The following FKBP14 variants were observed in gnomAD, a reference collection of about 807,000 sequenced individuals.
FKBP14 encodes the protein FKBP prolyl isomerase 14.
A neutral mutation model predicts 21.6 loss-of-function variants in FKBP14; 20 were observed. The observed-to-expected ratio is 0.92, with a 90% CI of 0.65 to 1.34. The LOEUF (loss-of-function observed/expected upper bound fraction) is 1.34. FKBP14 is among the 40% of genes most tolerant of loss of function. The pLI is 0.00. For synonymous variants in FKBP14, 79 were observed against 86.7 expected, an observed-to-expected ratio of 0.91 and a Z score of 0.49; for missense variants, 253 against 249.0, an observed-to-expected ratio of 1.02 and a Z score of -0.11.
At position 30,019,905 on chromosome 7, in the gene FKBP14, ACATTT is replaced by A. The variant is rs562158725; in HGVS notation, c.350-787_350-783del. 5.4e-3 allele frequency among the ~76,000 whole-genome samples: 826 copies of A among 152,248 alleles called. 3 individuals are homozygous for A. The Middle Eastern group carries it at 0.071, about 13-fold the overall frequency. On this transcript the variant is annotated intron_variant, in intron 2 of 3. Transcript: ENST00000222803. ...ATAGAACATTATATATATGTTGAAG[ACATTT>A]CATGGGAGGGGAGAAATTAAAATGA...
chr7:30,026,676 C>T lies in FKBP14; in HGVS notation c.-168G>A, dbSNP rs1790193291. The T allele has an allele frequency of 1.7e-6, 1 of 593,596 alleles. No individual in the cohort carries two copies. Among genetic ancestry groups the T allele is most frequent in the Middle Eastern group, 4.7e-4 (1 of 2,150 alleles). 36.8% of individuals were successfully genotyped at this position (593,596 alleles called of 1,614,324 possible). ...TACCACCAACTCTTTTCTCAAGGGT[C>T]ACGAACCTACCTTTAAAGAGTTAAG... On this transcript the variant is annotated 5_prime_UTR_variant, in exon 1 of 4. Coordinates refer to ENST00000222803, the MANE Select transcript of FKBP14 (RefSeq NM_017946.4).
At chr7:30,024,831 C>A (rs1256596127) in intron 1 of FKBP14, among the ~76,000 whole-genome samples, 1 of 152,212 alleles carries the variant, frequency 6.6e-6, no homozygotes, top group African/African-American at 2.4e-5. Context: ...ATGGCTACCA[C>A]CAAAGTCAGC....
chr7:30,022,535 T>C, intron 2 of FKBP14, 130 bp downstream of exon 2: 2 of 859,996 alleles, frequency 2.3e-6, no homozygotes, highest in Non-Finnish European at 3.4e-6. Context: ...ATAATACAGT[T>C]GCTAAAGGAA....
At chr7:30,015,122 TC>T (rs1789847280) in intron 3 of FKBP14, among the ~76,000 whole-genome samples, 1 of 152,106 alleles carries the variant, frequency 6.6e-6, no homozygotes, top group Admixed American at 6.6e-5. Context: ...AAAATATTGC[TC>T]AAAGGCAGGG....
At chr7:30,024,833 A>G (rs1790130892) in intron 1 of FKBP14, among the ~76,000 whole-genome samples, 2 of 152,254 alleles carry the variant, frequency 1.3e-5, no homozygotes, top group Admixed American at 6.5e-5. Context: ...GGCTACCACC[A>G]AAGTCAGCAC....
At chr7:30,015,792 A>G (rs1367543244) in intron 3 of FKBP14, among the ~76,000 whole-genome samples, 3 of 150,818 alleles carry the variant, frequency 2.0e-5, no homozygotes, top group Non-Finnish European at 4.4e-5. Flanking sequence ...CGCCCAGCTA[A>G]TTTTTTGTAT....
Position 30,014,859 on chromosome 7 carries a change from T to C in FKBP14, c.512A>G (p.His171Arg). Reference protein sequence around the residue: ...KAYLKKEFEKHGAVVNESHHD... With the variant: ...KAYLKKEFEKRGAVVNESHHD... Reference sequence around the variant, plus strand: ...ATGACTTTCATTCACCACCGCACCATGTTTTTCAAACTCCTTCTTTAAATA... The same window carrying C: ...ATGACTTTCATTCACCACCGCACCACGTTTTTCAAACTCCTTCTTTAAATA... Residue 171 changes from histidine to arginine, a missense_variant, in exon 4 of 4, where the codon CAT (histidine) becomes CGT (arginine). By Grantham distance (29) the His-to-Arg change is conservative. Coordinates refer to ENST00000222803, the MANE Select transcript of FKBP14 (RefSeq NM_017946.4). The C allele has an allele frequency of 6.3e-7, 1 of 1,598,444 alleles. No homozygotes were observed. Among genetic ancestry groups the C allele is most frequent in the Non-Finnish European group, 8.5e-7 (1 of 1,176,122 alleles).
At chr7:30,021,196 A>G (rs1455575915) in intron 2 of FKBP14, among the ~76,000 whole-genome samples, 1 of 152,228 alleles carries the variant, frequency 6.6e-6, no homozygotes, top group East Asian at 1.9e-4. Context: ...GATTCCCAGT[A>G]TCACAGTCCA....
rs1789808035 is a variant in FKBP14, at chr7:30,013,803, A to C, written c.*932T>G. 6.6e-6 allele frequency: 1 copy of C among 152,214 alleles called. No homozygotes were observed. Among genetic ancestry groups the C allele is most frequent in the African/African-American group, 2.4e-5 (1 of 41,468 alleles). 9.4% of individuals were successfully genotyped at this position (152,214 alleles called of 1,614,324 possible). ...GTCCTATTTATCATAATAGGCCACCAATCACTAGGAGCCAAGCTTCATCAG... is the reference window on the plus strand; with the variant it reads ...GTCCTATTTATCATAATAGGCCACCCATCACTAGGAGCCAAGCTTCATCAG... On this transcript the variant is annotated 3_prime_UTR_variant, in exon 4 of 4. Coordinates refer to ENST00000222803, the MANE Select transcript of FKBP14 (RefSeq NM_017946.4).
At chr7:30,007,457 C>G (rs752031644), downstream of FKBP14, among the ~76,000 whole-genome samples, 1 of 152,106 alleles carries the variant, frequency 6.6e-6, no homozygotes, top group Non-Finnish European at 1.5e-5. Context: ...ATCTGCCCGC[C>G]TTGGCCTCCA....
intron 1 of FKBP14, 95 bp downstream of exon 1, chr7:30,026,217 G>T: frequency 8.2e-7 from 1 of 1,223,562 alleles, no homozygotes; most frequent in Non-Finnish European, 1.1e-6. Context: ...TGTAAAAGAG[G>T]CAAAACCAGG....
Position 30,010,711 on chromosome 7 carries a change from A to G in FKBP14, c.*4024T>C, listed in dbSNP as rs1789701214. ...CATGTAACCATGTTTCGGTCAATGT[A>G]CAATATATATATGATGGTGGCCCCA... is the stretch of plus-strand genomic sequence containing the variant. On this transcript the variant is annotated 3_prime_UTR_variant, in exon 4 of 4. Transcript: ENST00000222803. 1 of 152,228 alleles carries G rather than the reference A, an allele frequency of 6.6e-6. No homozygotes were observed. The highest frequency in any genetic ancestry group is 2.4e-5 in the African/African-American group (1 of 41,456). The allele number at this position is 152,228 out of a possible 1,614,324, so 9.4% of individuals were successfully genotyped here.
At chr7:30,020,169 C>G (rs564473496) in intron 2 of FKBP14, 36 of 1,013,488 alleles carry the variant, frequency 3.6e-5, no homozygotes, top group Non-Finnish European at 4.4e-5. Context: ...AAAGAACATT[C>G]ATAAATTCCA....
chr7:30,026,427 T>C lies in FKBP14; in HGVS notation c.82A>G (p.Lys28Glu). ...AATGGCTTCTGGAGAACTTCAATTT[T>C]CACTTCTGGTTCAGGGATCAAAGCC... is the stretch of plus-strand genomic sequence containing the variant. ...IGALIPEPEV[K>E]IEVLQKPFIC... Residue 28 changes from lysine to glutamate, a missense_variant, in exon 1 of 4, where the codon AAA (lysine) becomes GAA (glutamate). Transcript: ENST00000222803. 1 of 1,614,156 alleles carries C rather than the reference T, an allele frequency of 6.2e-7. No homozygotes were observed. Among genetic ancestry groups the C allele is most frequent in the Non-Finnish European group, 8.5e-7 (1 of 1,179,998 alleles).
Position 30,011,523 on chromosome 7 carries a change from A to T in FKBP14, c.*3212T>A, listed in dbSNP as rs1789726155. On this transcript the variant is annotated 3_prime_UTR_variant, in exon 4 of 4. Transcript: ENST00000222803. ...CTATACAGGTATACCATATATATAT[A>T]TATACACACACCATATATATATATA... 6.9e-6 allele frequency: 1 copy of T among 145,638 alleles called. No homozygotes were observed. Among genetic ancestry groups the T allele is most frequent in the Non-Finnish European group, 1.5e-5 (1 of 66,920 alleles). 9.0% of individuals were successfully genotyped at this position (145,638 alleles called of 1,614,324 possible). A position where few individuals can be genotyped will look rare whatever the true frequency, so the allele number is the denominator to read the frequency against.
At position 30,012,128 on chromosome 7, in the gene FKBP14, CATT is replaced by C. The variant is rs1026088677; in HGVS notation, c.*2604_*2606del. ...GACATTTCTCAGAGTGCATCTCCAT[CATT>C]AAGTGAGGTATGACTGTACATGTGA... is the stretch of plus-strand genomic sequence containing the variant. On this transcript the variant is annotated 3_prime_UTR_variant, in exon 4 of 4. Transcript: ENST00000222803. 2 of 152,212 alleles carry C rather than the reference CATT, an allele frequency of 1.3e-5. No individual in the cohort carries two copies. The highest frequency in any genetic ancestry group is 4.8e-5 in the African/African-American group (2 of 41,440). The allele number at this position is 152,212 out of a possible 1,614,324, so 9.4% of individuals were successfully genotyped here. A position where few individuals can be genotyped will look rare whatever the true frequency, so the allele number is the denominator to read the frequency against.
chr7:30,007,468 A>G (rs1010596434), downstream of FKBP14, among the ~76,000 whole-genome samples: 6 of 152,086 alleles, frequency 3.9e-5, no homozygotes, highest in Non-Finnish European at 7.4e-5. Context: ...TTGGCCTCCA[A>G]AAGTGCTGGG....
At chr7:30,019,227 G>A (rs1460018068) in intron 2 of FKBP14, 104 bp from the exon 3 acceptor site, 15 of 1,099,092 alleles carry the variant, frequency 1.4e-5, no homozygotes, top group Non-Finnish European at 1.9e-5. Flanking sequence ...GAATTAAAGA[G>A]CCTTCCTAAG....
chr7:30,019,269 A>G (rs1789969712), intron 2 of FKBP14, 146 bp from the exon 3 acceptor site: 1 of 724,582 alleles, frequency 1.4e-6, no homozygotes. Flanking sequence ...TATGTATATT[A>G]TATTTTACTC....
Sources: allele counts gnomAD v4.1 joint callset (sites outside exome capture counted in the v4.1 genomes callset), GRCh38; gene constraint gnomAD v4.1.1; transcripts MANE v1.5; gene names NCBI Gene and HGNC (gene_info 2026-07-23, HGNC 2026-07-21).